EXOC4: variants seen among roughly 807,000 people sequenced by gnomAD.
EXOC4 encodes the protein exocyst complex component 4.
EXOC4 carries 71 observed loss-of-function variants against 107.2 expected under a neutral mutation model. That is an observed-to-expected ratio of 0.66 (90% CI 0.55 to 0.81). The LOEUF is 0.81. Among genes scored for constraint, EXOC4 ranks in the 30% least tolerant of loss-of-function variants. EXOC4 has a pLI of 0.00. For missense variants in EXOC4, 1,108 were observed against 1,189.6 expected, an observed-to-expected ratio of 0.93 and a Z score of 1.01; for synonymous variants, 456 against 441.2, an observed-to-expected ratio of 1.03 and a Z score of -0.42.
chr7:133,399,545 A>T (rs974593637), intron 7 of EXOC4, among the ~76,000 whole-genome samples: 1 of 152,242 alleles, frequency 6.6e-6, no homozygotes, highest in African/African-American at 2.4e-5. Flanking sequence ...TGCTTCCATT[A>T]TAAAACTAAT....
chr7:133,938,714 T>C (rs914121407), intron 14 of EXOC4, among the ~76,000 whole-genome samples: 2 of 152,226 alleles, frequency 1.3e-5, no homozygotes, highest in Admixed American at 1.3e-4. Flanking sequence ...TATAAAATTA[T>C]ATTTAAAGCA....
intron 9 of EXOC4, among the ~76,000 whole-genome samples, chr7:133,581,731 T>C (rs1326224093): frequency 7.5e-6 from 1 of 133,338 alleles, no homozygotes; most frequent in Non-Finnish European, 1.5e-5. Context: ...GCAGTCCAGC[T>C]TGGGCGAAAG....
intron 10 of EXOC4, among the ~76,000 whole-genome samples, chr7:133,654,123 C>T (rs769581725): frequency 8.5e-5 from 13 of 152,112 alleles, no homozygotes; most frequent in Non-Finnish European, 1.5e-4. Flanking sequence ...CATTACAGCA[C>T]CGGTTCTATG....
At chr7:133,488,223 A>T (rs1272171865) in intron 9 of EXOC4, among the ~76,000 whole-genome samples, 1 of 152,152 alleles carries the variant, frequency 6.6e-6, no homozygotes, top group East Asian at 1.9e-4. Context: ...CATGCAGGTA[A>T]TGTGATATCT....
chr7:133,502,266 A>C (rs1303845968), intron 9 of EXOC4, among the ~76,000 whole-genome samples: 2 of 152,040 alleles, frequency 1.3e-5, no homozygotes, highest in African/African-American at 4.8e-5. Flanking sequence ...TCTGAAATGG[A>C]AGAACCTGAA....
rs188464664 is a variant in EXOC4, at chr7:133,744,431, G to T, written c.1515-72894G>T. The stretch of plus-strand genomic sequence containing the variant: ...AAACCTTTCATTACGATTTTTACTT[G>T]ATGTTTAAAAGAAAGCCTCTCTAGG... On this transcript the variant is annotated intron_variant, in intron 10 of 17. Transcript: ENST00000253861. Among the ~76,000 whole-genome samples, 150 of 152,220 alleles carry T rather than the reference G, an allele frequency of 9.9e-4. 2 individuals are homozygous for T. Among genetic ancestry groups the T allele is most frequent in the Admixed American group, 7.9e-3 (121 of 15,272 alleles).
intron 12 of EXOC4, among the ~76,000 whole-genome samples, chr7:133,901,355 G>A (rs965105947): frequency 6.6e-6 from 1 of 152,012 alleles, no homozygotes; most frequent in East Asian, 1.9e-4. Flanking sequence ...TGAGAATTGG[G>A]GAGCTATACC....
chr7:133,572,990 A>G (rs2150960733), intron 9 of EXOC4, among the ~76,000 whole-genome samples: 1 of 152,346 alleles, frequency 6.6e-6, no homozygotes, highest in East Asian at 1.9e-4. Context: ...AGCACTATCC[A>G]GATTCTAAGA....
chr7:133,554,234 GTTTTA>G (rs1315428271), intron 9 of EXOC4, among the ~76,000 whole-genome samples: 1 of 151,980 alleles, frequency 6.6e-6, no homozygotes, highest in East Asian at 1.9e-4. Context: ...TTGATGAAAT[GTTTTA>G]TTTTATTTCT....
intron 10 of EXOC4, among the ~76,000 whole-genome samples, chr7:133,743,506 A>G (rs1032579164): frequency 2.0e-5 from 3 of 152,168 alleles, no homozygotes; most frequent in South Asian, 2.1e-4. Context: ...TTTCTGTACT[A>G]CTGGCAGTAG....
intron 17 of EXOC4, among the ~76,000 whole-genome samples, chr7:134,014,035 A>G (rs1019455705): frequency 6.6e-6 from 1 of 152,234 alleles, no homozygotes; most frequent in African/African-American, 2.4e-5. Context: ...GTATATACAC[A>G]GATAAATGAA....
intron 10 of EXOC4, among the ~76,000 whole-genome samples, chr7:133,658,136 C>T (rs928640533): frequency 2.0e-5 from 3 of 151,990 alleles, no homozygotes; most frequent in Non-Finnish European, 4.4e-5. Flanking sequence ...TGGAGAAGAC[C>T]TTTTCTGTCA....
At chr7:133,468,610 T>C (rs1050277637) in intron 7 of EXOC4, among the ~76,000 whole-genome samples, 3 of 152,130 alleles carry the variant, frequency 2.0e-5, no homozygotes, top group Non-Finnish European at 4.4e-5. Flanking sequence ...GCTTTTCAAA[T>C]TCCTTTGAGA....
the EXOC4 span, among the ~76,000 whole-genome samples, chr7:134,090,719 T>G: frequency 6.6e-6 from 1 of 152,192 alleles, no homozygotes; most frequent in Non-Finnish European, 1.5e-5. Context: ...CTCTTAGGTT[T>G]TCCCTTTTAG....
intron 9 of EXOC4, among the ~76,000 whole-genome samples, chr7:133,529,571 A>G (rs757836368): frequency 6.6e-6 from 1 of 152,330 alleles, no homozygotes; most frequent in East Asian, 1.9e-4. Context: ...AGCATCAGAA[A>G]GATCTAAAAC....
At chr7:134,051,533 G>A (rs1460030003) in intron 17 of EXOC4, among the ~76,000 whole-genome samples, 1 of 151,976 alleles carries the variant, frequency 6.6e-6, no homozygotes, top group Admixed American at 6.6e-5. Context: ...TTAGCTGGGT[G>A]TGGTGGCACA....
chr7:133,341,551 T>A (rs1795661031), intron 5 of EXOC4, among the ~76,000 whole-genome samples: 1 of 152,200 alleles, frequency 6.6e-6, no homozygotes, highest in Non-Finnish European at 1.5e-5. Flanking sequence ...TTATGTCCAT[T>A]TGTTCTATGG....
intron 10 of EXOC4, among the ~76,000 whole-genome samples, chr7:133,776,442 G>A (rs911962697): frequency 3.9e-5 from 6 of 152,106 alleles, no homozygotes; most frequent in East Asian, 1.9e-4. Context: ...CATTTGGCAC[G>A]TGTTGCCCCA....
chr7:133,707,038 T>A (rs1439122207), intron 10 of EXOC4, among the ~76,000 whole-genome samples: 1 of 151,838 alleles, frequency 6.6e-6, no homozygotes, highest in Non-Finnish European at 1.5e-5. Flanking sequence ...AGAGCTCTTG[T>A]AAGACATGTG....
Sources: allele counts gnomAD v4.1 joint callset (sites outside exome capture counted in the v4.1 genomes callset), GRCh38; gene constraint gnomAD v4.1.1; transcripts MANE v1.5; gene names NCBI Gene and HGNC (gene_info 2026-07-23, HGNC 2026-07-21).